The following ADK variants were observed in gnomAD, a reference collection of about 807,000 sequenced individuals.
ADK encodes the protein N6,N6-dimethyladenosine kinase.
ADK carries 24 observed loss-of-function variants against 44.7 expected under a neutral mutation model. The ratio of observed to expected loss-of-function variants is 0.54; its 90% CI spans 0.39 to 0.76. The LOEUF is 0.76. Among genes scored for constraint, ADK ranks in the 30% least tolerant of loss-of-function variants. The pLI is 0.00. For missense variants in ADK, 321 were observed against 425.1 expected, an observed-to-expected ratio of 0.76 and a Z score of 2.15; for synonymous variants, 128 against 142.6, an observed-to-expected ratio of 0.90 and a Z score of 0.73.
At chr10:74,412,514 A>G (rs1481279292) in intron 6 of ADK, among the ~76,000 whole-genome samples, 1 of 152,178 alleles carries the variant, frequency 6.6e-6, no homozygotes, top group East Asian at 1.9e-4. Flanking sequence ...GCCCAAACCC[A>G]TCAGATGAGT....
intron 6 of ADK, among the ~76,000 whole-genome samples, chr10:74,473,169 T>C (rs1029385335): frequency 4.6e-5 from 6 of 129,868 alleles, no homozygotes; most frequent in Admixed American, 1.7e-4. Context: ...TATATATATA[T>C]ACACACACAT....
chr10:74,396,355 G>A (rs1232672965), intron 5 of ADK, among the ~76,000 whole-genome samples: 2 of 152,024 alleles, frequency 1.3e-5, no homozygotes, highest in Non-Finnish European at 2.9e-5. Context: ...CCAACATGGC[G>A]AAACTCCATC....
At chr10:74,681,032 AAAT>A (rs1374904744) in intron 10 of ADK, among the ~76,000 whole-genome samples, 1 of 152,238 alleles carries the variant, frequency 6.6e-6, no homozygotes, top group African/African-American at 2.4e-5. Flanking sequence ...GAATTGAGTT[AAAT>A]AATAACAAAA....
intron 9 of ADK, among the ~76,000 whole-genome samples, chr10:74,646,612 A>T (rs544653469): frequency 2.8e-4 from 43 of 152,324 alleles, no homozygotes; most frequent in African/African-American, 1.0e-3. Context: ...CTCAGCCTTC[A>T]TTGCTGTTGC....
At chr10:74,420,891 G>T (rs1311041831) in intron 6 of ADK, among the ~76,000 whole-genome samples, 1 of 152,128 alleles carries the variant, frequency 6.6e-6, no homozygotes, top group East Asian at 1.9e-4. Context: ...CGACGGGAAA[G>T]AAAAGTGGTT....
At chr10:74,304,074 A>G (rs189978791) in intron 3 of ADK, among the ~76,000 whole-genome samples, 35 of 152,154 alleles carry the variant, frequency 2.3e-4, no homozygotes. Flanking sequence ...TATGTGATTC[A>G]TATTTGTTTT....
At chr10:74,276,787 G>C (rs1217404201) in intron 3 of ADK, among the ~76,000 whole-genome samples, 1 of 152,134 alleles carries the variant, frequency 6.6e-6, no homozygotes, top group African/African-American at 2.4e-5. Context: ...TTTAATCTCA[G>C]TGGTATGTGT....
intron 4 of ADK, among the ~76,000 whole-genome samples, chr10:74,358,027 G>C (rs1842203779): frequency 6.6e-6 from 1 of 152,110 alleles, no homozygotes; most frequent in African/African-American, 2.4e-5. Context: ...AATGCTTCTA[G>C]AATTTTTTAA....
chr10:74,556,125 A>G (rs1850235398), intron 7 of ADK, among the ~76,000 whole-genome samples: 1 of 152,226 alleles, frequency 6.6e-6, no homozygotes, highest in South Asian at 2.1e-4. Context: ...TAAGTCATAC[A>G]TCAATAAAAT....
chr10:74,322,575 TA>T (rs1399031668), intron 4 of ADK, among the ~76,000 whole-genome samples: 2 of 152,346 alleles, frequency 1.3e-5, no homozygotes, highest in African/African-American at 4.8e-5. Flanking sequence ...ATAGCTAAAA[TA>T]AGATGAAGGA....
chr10:74,601,905 T>TA (rs1190536829), intron 9 of ADK, among the ~76,000 whole-genome samples: 2 of 136,198 alleles, frequency 1.5e-5, no homozygotes, highest in African/African-American at 5.8e-5. Context: ...CCAGCCTTGG[T>TA]AACAGCAAGA....
intron 10 of ADK, among the ~76,000 whole-genome samples, chr10:74,684,668 A>T (rs966971958): frequency 2.0e-5 from 3 of 152,154 alleles, no homozygotes; most frequent in Non-Finnish European, 2.9e-5. Flanking sequence ...GCTACTCAGG[A>T]GGCCAAAGTG....
Position 74,169,745 on chromosome 10 carries a change from T to C in ADK, c.65+18402T>C, listed in dbSNP as rs575652295. On this transcript the variant is annotated intron_variant, in intron 1 of 10. Coordinates refer to ENST00000539909, the MANE Select transcript of ADK (RefSeq NM_006721.4). ...AATTAATAGATTTAGCAGTGTTTCT[T>C]TGAATAAACTTGTCCATAATGAAAG... 4.6e-5 allele frequency among the ~76,000 whole-genome samples: 7 copies of C among 152,346 alleles called. No individual in the cohort carries two copies. In the South Asian group the frequency reaches 1.4e-3, roughly 32 times the overall value.
intron 6 of ADK, among the ~76,000 whole-genome samples, chr10:74,455,772 G>GT (rs1467109878): frequency 6.6e-6 from 1 of 152,122 alleles, no homozygotes; most frequent in African/African-American, 2.4e-5. Context: ...GCCTCCCAAA[G>GT]TGCTAGGATT....
At chr10:74,280,390 C>T (rs998421017) in intron 3 of ADK, among the ~76,000 whole-genome samples, 1 of 129,784 alleles carries the variant, frequency 7.7e-6, no homozygotes, top group Admixed American at 8.1e-5. Flanking sequence ...GTGTGAGCCA[C>T]CGCGCCCGGC....
intron 8 of ADK, among the ~76,000 whole-genome samples, chr10:74,598,870 T>C (rs1438774225): frequency 6.6e-6 from 1 of 152,210 alleles, no homozygotes; most frequent in African/African-American, 2.4e-5. Flanking sequence ...TTTTCTCTTA[T>C]CTTTATTAAA....
intron 1 of ADK, among the ~76,000 whole-genome samples, chr10:74,190,220 T>A (rs1842913518): frequency 6.6e-6 from 1 of 152,254 alleles, no homozygotes. Flanking sequence ...AAGATTCCAG[T>A]TTCTCCACAT....
intron 4 of ADK, among the ~76,000 whole-genome samples, chr10:74,378,515 A>AT (rs755190534): frequency 6.6e-6 from 1 of 152,202 alleles, no homozygotes; most frequent in Non-Finnish European, 1.5e-5. Context: ...ACCAGAATAA[A>AT]TTTTTGGTAT....
At chr10:74,542,891 T>C (rs1467001578) in intron 7 of ADK, among the ~76,000 whole-genome samples, 1 of 151,358 alleles carries the variant, frequency 6.6e-6, no homozygotes, top group Non-Finnish European at 1.5e-5. Flanking sequence ...TTTAGTTATT[T>C]ATTTATTTAT....
Sources: gnomAD v4.1 joint callset for allele counts (sites outside exome capture counted in the v4.1 genomes callset) on GRCh38, gnomAD v4.1.1 for gene constraint, MANE v1.5 for transcripts, NCBI Gene and HGNC (gene_info 2026-07-23, HGNC 2026-07-21) for gene names.